The following ANKS4B variants were observed in gnomAD, a reference collection of about 807,000 sequenced individuals.
The protein encoded by ANKS4B is ankyrin repeat and sterile alpha motif domain containing 4B.
Under a neutral mutation model 20.2 loss-of-function variants are expected in ANKS4B, and 21 were observed. The observed-to-expected ratio is 1.04, with a 90% CI of 0.74 to 1.50. The LOEUF (loss-of-function observed/expected upper bound fraction) is 1.50. ANKS4B is among the 40% of genes most tolerant of loss of function. The probability of loss-of-function intolerance (pLI) is 0.00; values close to 1 mark genes in which losing one functional copy is unlikely to be tolerated. For missense variants in ANKS4B, 473 were observed against 494.6 expected (o/e 0.96, Z 0.41); for synonymous variants, 179 against 194.5 (o/e 0.92, Z 0.66).
At chr16:21,239,376 A>T (rs890043461) in intron 1 of ANKS4B, among the ~76,000 whole-genome samples, 1 of 152,166 alleles carries the variant, frequency 6.6e-6, no homozygotes, top group Non-Finnish European at 1.5e-5. Context: ...GGAGTTCAAG[A>T]CCAGCCTGAT....
chr16:21,249,700 C>T (rs1421853047), intron 1 of ANKS4B, 31 bp from the exon 2 acceptor site: 1 of 1,550,280 alleles, frequency 6.5e-7, no homozygotes, highest in Admixed American at 2.1e-5. Context: ...AAAAGTCCAA[C>T]ATGTATTTTT....
chr16:21,249,677 G>A (rs1484354166), intron 1 of ANKS4B, 54 bp from the exon 2 acceptor site: 6 of 1,529,148 alleles, frequency 3.9e-6, no homozygotes, highest in Non-Finnish European at 5.3e-6. Context: ...TTTTGGGCCT[G>A]CGTTCAGAGA....
At position 21,250,565 on chromosome 16, in the gene ANKS4B, C is replaced by T. The variant is rs764834931; in HGVS notation, c.999C>T (p.Asp333=). Residue 333 remains aspartate, a synonymous_variant, in exon 2 of 2, where the codon GAC becomes GAT. Transcript: ENST00000311620. ...TCAAAGATGATCTGCCGTGGGATGA[C>T]GATGAAGTGGAGTGGGAGGAAGATG... ...NGLKDDLPWD[D]DEVEWEEDVV... is the part of the protein sequence containing the mutation. 3.5e-5 allele frequency: 56 copies of T among 1,613,976 alleles called. No homozygotes were observed. The highest frequency in any genetic ancestry group is 1.2e-4 in the South Asian group (11 of 91,076).
chr16:21,240,047 T>G (rs2093324550), intron 1 of ANKS4B, among the ~76,000 whole-genome samples: 2 of 152,176 alleles, frequency 1.3e-5, no homozygotes, highest in African/African-American at 4.8e-5. Flanking sequence ...GATTTAAGAG[T>G]TTATCTGTCA....
Position 21,241,393 on chromosome 16 carries a change from C to T in ANKS4B, c.164+7492C>T, listed in dbSNP as rs573374208. 8.5e-5 allele frequency among the ~76,000 whole-genome samples: 13 copies of T among 152,156 alleles called. No homozygotes were observed. In the East Asian group the frequency reaches 1.4e-3, roughly 16 times the overall value. The stretch of plus-strand genomic sequence containing the variant: ...TGCATGCCACTATCTTTAATGACTT[C>T]ATGGTATTCTGTTTTATGGTGTTTG... On this transcript the variant is annotated intron_variant, in intron 1 of 1. Transcript: ENST00000311620.
chr16:21,248,710 G>A (rs983135505), intron 1 of ANKS4B, among the ~76,000 whole-genome samples: 2 of 152,000 alleles, frequency 1.3e-5, no homozygotes, highest in African/African-American at 2.4e-5. Flanking sequence ...CAGCCTGGAC[G>A]ACAGAGCAAG....
Position 21,252,356 on chromosome 16 carries a change from C to G in ANKS4B, c.*1536C>G, listed in dbSNP as rs150184536. 1.3e-5 allele frequency: 2 copies of G among 152,376 alleles called. No homozygotes were observed. The highest frequency in any genetic ancestry group is 3.9e-4 in the East Asian group (2 of 5,176). 9.4% of individuals were successfully genotyped at this position (152,376 alleles called of 1,614,324 possible). On this transcript the variant is annotated 3_prime_UTR_variant, in exon 2 of 2. Coordinates refer to ENST00000311620, the MANE Select transcript of ANKS4B (RefSeq NM_145865.3). ...AGGAGGGGGCCTCAGGAGAAACCAA[C>G]CCTGCAATCACCTTGATCTTGGGCT...
chr16:21,242,940 G>A lies in ANKS4B; in HGVS notation c.165-6791G>A, dbSNP rs978307919. Among the ~76,000 whole-genome samples, 9 of 152,124 alleles carry A rather than the reference G, an allele frequency of 5.9e-5. No homozygotes were observed. The East Asian group carries it at 9.6e-4, about 16-fold the overall frequency. On this transcript the variant is annotated intron_variant, in intron 1 of 1. Coordinates refer to ENST00000311620, the MANE Select transcript of ANKS4B (RefSeq NM_145865.3). ...GAACCACTTTCTGCTTCTTCCAGCAGTATTTCTTTCCCCATACTCCTGCCA... is the reference window on the plus strand; with the variant it reads ...GAACCACTTTCTGCTTCTTCCAGCAATATTTCTTTCCCCATACTCCTGCCA...
At chr16:21,237,683 C>T (rs942389826) in intron 1 of ANKS4B, among the ~76,000 whole-genome samples, 4 of 152,126 alleles carry the variant, frequency 2.6e-5, no homozygotes, top group South Asian at 4.2e-4. Flanking sequence ...ATGACTCAAT[C>T]GTCTCCTAAA....
At chr16:21,248,892 A>C (rs945047718) in intron 1 of ANKS4B, among the ~76,000 whole-genome samples, 5 of 152,174 alleles carry the variant, frequency 3.3e-5, no homozygotes, top group Non-Finnish European at 7.3e-5. Context: ...ATGGTACGCT[A>C]CTGTGTATCT....
At position 21,253,022 on chromosome 16, in the gene ANKS4B, C is replaced by CAAAAAAAAAA. The variant is rs938970076; in HGVS notation, c.*2214_*2223dup. The CAAAAAAAAAA allele has an allele frequency of 1.5e-5, 1 of 65,766 alleles. No homozygotes were observed. The highest frequency in any genetic ancestry group is 6.2e-5 in the African/African-American group (1 of 16,200). 4.1% of individuals were successfully genotyped at this position (65,766 alleles called of 1,614,324 possible). ...CCAGGCGGTAAGAGAGACTCCATCT[C>CAAAAAAAAAA]AAAAAAAAAAAAAAAAAAAAAGAAA... On this transcript the variant is annotated 3_prime_UTR_variant, in exon 2 of 2. Transcript: ENST00000311620.
chr16:21,235,964 C>T (rs980193254), intron 1 of ANKS4B, among the ~76,000 whole-genome samples: 1 of 152,214 alleles, frequency 6.6e-6, no homozygotes. Context: ...CTACCTCATT[C>T]CACAAACTGC....
chr16:21,236,166 G>T (rs936487462), intron 1 of ANKS4B, among the ~76,000 whole-genome samples: 3 of 152,122 alleles, frequency 2.0e-5, no homozygotes, highest in Non-Finnish European at 2.9e-5. Flanking sequence ...GAAGGAAAAG[G>T]CATCTCACAT....
chr16:21,238,367 A>G (rs912637795), intron 1 of ANKS4B, among the ~76,000 whole-genome samples: 3 of 152,202 alleles, frequency 2.0e-5, no homozygotes, highest in Non-Finnish European at 4.4e-5. Context: ...TTGATTGATA[A>G]AAACACTTTT....
chr16:21,246,778 A>T (rs1396919833), intron 1 of ANKS4B, among the ~76,000 whole-genome samples: 1 of 152,158 alleles, frequency 6.6e-6, no homozygotes, highest in Admixed American at 6.5e-5. Context: ...GTCTTATTTT[A>T]TTCCTGCAGT....
At chr16:21,238,002 A>C (rs2093322258) in intron 1 of ANKS4B, among the ~76,000 whole-genome samples, 1 of 152,142 alleles carries the variant, frequency 6.6e-6, no homozygotes, top group African/African-American at 2.4e-5. Context: ...TCTCTACTAA[A>C]AATACAAAAT....
At chr16:21,234,522 C>CATG (rs1380262253) in intron 1 of ANKS4B, among the ~76,000 whole-genome samples, 5 of 121,256 alleles carry the variant, frequency 4.1e-5, no homozygotes, top group Non-Finnish European at 7.7e-5. Flanking sequence ...ACACACACAC[C>CATG]CCATCTCTTT....
chr16:21,233,990 T>C (rs1472752285), intron 1 of ANKS4B, 89 bp downstream of exon 1: 3 of 1,222,942 alleles, frequency 2.5e-6, no homozygotes, highest in African/African-American at 3.0e-5. Context: ...TCAATACAAA[T>C]ACTTTATCCT....
At chr16:21,239,389 A>G (rs1431835705) in intron 1 of ANKS4B, among the ~76,000 whole-genome samples, 1 of 152,180 alleles carries the variant, frequency 6.6e-6, no homozygotes, top group Non-Finnish European at 1.5e-5. Context: ...AGCCTGATCA[A>G]CATGGTGAAA....
Sources: gnomAD v4.1 joint callset for allele counts (sites outside exome capture counted in the v4.1 genomes callset) on GRCh38, gnomAD v4.1.1 for gene constraint, MANE v1.5 for transcripts, NCBI Gene and HGNC (gene_info 2026-07-23, HGNC 2026-07-21) for gene names.